Variants in STK32C observed in about 807,000 individuals in gnomAD.
The protein encoded by STK32C is serine/threonine kinase 32C.
STK32C carries 31 observed loss-of-function variants against 56.5 expected under a neutral mutation model. That is an observed-to-expected ratio of 0.55 (90% CI 0.41 to 0.74). The LOEUF (loss-of-function observed/expected upper bound fraction) is 0.74. STK32C is among the 30% of genes least tolerant of loss of function. The pLI is 0.00. For synonymous variants in STK32C, 309 were observed against 289.4 expected (o/e 1.07, Z -0.69); for missense variants, 544 against 676.9 (o/e 0.80, Z 2.18).
intron 1 of STK32C, among the ~76,000 whole-genome samples, chr10:132,256,582 G>A (rs1052153644): frequency 2.0e-5 from 3 of 152,148 alleles, no homozygotes; most frequent in Admixed American, 6.5e-5. Flanking sequence ...AGTCGCCCAC[G>A]GCAGCAGGGA....
At chr10:132,294,689 C>G (rs2065681551) in intron 1 of STK32C, among the ~76,000 whole-genome samples, 1 of 152,298 alleles carries the variant, frequency 6.6e-6, no homozygotes, top group Admixed American at 6.5e-5. Context: ...GCACCATCTA[C>G]AGCCAACAGC....
chr10:132,221,268 ACAC>A (rs1238318015), intron 10 of STK32C, among the ~76,000 whole-genome samples: 1 of 151,496 alleles, frequency 6.6e-6, no homozygotes, highest in Non-Finnish European at 1.5e-5. Flanking sequence ...ATCCCCACAC[ACAC>A]AACTGATGCT....
intron 7 of STK32C, 134 bp from the exon 8 acceptor site, chr10:132,224,657 G>A (rs930864520): frequency 1.5e-6 from 1 of 687,782 alleles, no homozygotes; most frequent in South Asian, 1.7e-5. Flanking sequence ...TCTGAGCACA[G>A]CCTGGCCTCC....
At chr10:132,285,349 A>C (rs1266229506) in intron 1 of STK32C, among the ~76,000 whole-genome samples, 1 of 152,288 alleles carries the variant, frequency 6.6e-6, no homozygotes, top group African/African-American at 2.4e-5. Context: ...GAAAATTAGC[A>C]ACACTGTAGA....
chr10:132,250,529 G>A (rs1273735304), intron 1 of STK32C, among the ~76,000 whole-genome samples: 1 of 114,256 alleles, frequency 8.8e-6, no homozygotes, highest in Non-Finnish European at 1.8e-5. Context: ...TGTGTGAGGC[G>A]CACGGGACAG....
At chr10:132,238,564 T>C (rs7923365) in intron 2 of STK32C, among the ~76,000 whole-genome samples, 30,236 of 152,022 alleles carry the variant, frequency 0.2, 3,123 homozygotes, top group South Asian at 0.32. Flanking sequence ...TGGGGTCAGG[T>C]CCTGAGGTGA....
rs530559095 is a variant in STK32C at position 132,327,724 on chromosome 10, G to A, written c.302-3351C>T. Reference sequence around the variant, plus strand: ...ACTCCTGACCTCAGGTGATCCGCCCGCCTCAGCCTCCCAAAGCGCTGGGAT... The same window carrying A: ...ACTCCTGACCTCAGGTGATCCGCCCACCTCAGCCTCCCAAAGCGCTGGGAT... On this transcript the variant is annotated intron_variant, in intron 1 of 1. Coordinates refer to the STK32C transcript ENST00000368619. Among the ~76,000 whole-genome samples the A allele has an allele frequency of 5.1e-4, 78 of 152,208 alleles. 1 individual carries two copies. The highest frequency in any genetic ancestry group is 2.4e-3 in the Admixed American group (37 of 15,276).
Position 132,208,101 on chromosome 10 carries a change from G to C in STK32C, c.1370C>G (p.Ser457Cys). ...CTCCACAGGCTCCGCAGCATCCCTG[G>C]ACTCAGGGGCGGGGAGAGGCTCCCT... Reference protein sequence around the residue: ...LPREPLPAPESRDAAEPVEDE... With the variant: ...LPREPLPAPECRDAAEPVEDE... The change falls in exon 12 of 12, where the codon TCC (serine) becomes TGC (cysteine). Residue 457 changes from serine to cysteine, a missense_variant. Transcript: ENST00000298630. The C allele has an allele frequency of 7.6e-7, 1 of 1,311,394 alleles. No homozygotes were observed. The highest frequency in any genetic ancestry group is 9.8e-7 in the Non-Finnish European group (1 of 1,021,578). The allele number at this position is 1,311,394 out of a possible 1,614,324, so 81.2% of individuals were successfully genotyped here.
chr10:132,331,955 G>A (rs2138539936), upstream of STK32C: 1 of 514,964 alleles, frequency 1.9e-6, no homozygotes, highest in East Asian at 3.7e-5. Flanking sequence ...CCCAGCGCAG[G>A]CGCACCACAC....
intron 11 of STK32C, among the ~76,000 whole-genome samples, chr10:132,208,471 C>T (rs1183380819): frequency 6.6e-6 from 1 of 152,174 alleles, no homozygotes; most frequent in Non-Finnish European, 1.5e-5. Context: ...TCATCTGATC[C>T]CCAGGGTGCC....
At chr10:132,299,482 G>A (rs544584174) in intron 1 of STK32C, among the ~76,000 whole-genome samples, 155 of 152,366 alleles carry the variant, frequency 1.0e-3, no homozygotes, top group Middle Eastern at 6.8e-3. Context: ...AGCATGGACA[G>A]CTGATCCACC....
At chr10:132,311,491 G>A (rs984386838), upstream of STK32C, among the ~76,000 whole-genome samples, 11 of 152,232 alleles carry the variant, frequency 7.2e-5, no homozygotes, top group African/African-American at 9.6e-5. The surrounding 1 kb of genome is among the most constrained non-coding windows in gnomAD (Gnocchi z 4.4). Flanking sequence ...TGGAGCCCAC[G>A]TGTGGGGACA....
At chr10:132,253,498 CGAGGGAGCT>C (rs149955231) in intron 1 of STK32C, among the ~76,000 whole-genome samples, 4,090 of 80,912 alleles carry the variant, frequency 0.051, 413 homozygotes, top group African/African-American at 0.18. Flanking sequence ...TGGAGGGAGT[CGAGGGAGCT>C]GAGGGAGCTG....
At chr10:132,285,363 A>G (rs1237470265) in intron 1 of STK32C, among the ~76,000 whole-genome samples, 7 of 152,276 alleles carry the variant, frequency 4.6e-5, no homozygotes, top group African/African-American at 1.7e-4. Flanking sequence ...CTGTAGACTC[A>G]AGGAAAACCA....
exon 2 of STK32C, chr10:132,324,207 T>A (rs1322776987): frequency 5.1e-6 from 4 of 779,256 alleles, no homozygotes; most frequent in Non-Finnish European, 9.6e-6. Context: ...CCACTTTGGC[T>A]CATCTGAGAA....
chr10:132,225,294 T>C lies in STK32C; in HGVS notation c.815A>G (p.Tyr272Cys), dbSNP rs144326764. 6.2e-7 allele frequency: 1 copy of C among 1,605,520 alleles called. No individual in the cohort carries two copies. Among genetic ancestry groups the C allele is most frequent in the Non-Finnish European group, 8.5e-7 (1 of 1,176,262 alleles). Residue 272 changes from tyrosine to cysteine, a missense_variant, in exon 7 of 12, where the codon TAC (tyrosine) becomes TGC (cysteine). Transcript: ENST00000298630. ...FHSFVNGGTG[Y>C]SFEVDWWSVG... ...CGACCACCAGTCCACCTCGAAGGAG[T>C]AGCCGGTCCCGCCGTTGACAAAAGA...
downstream of STK32C, among the ~76,000 whole-genome samples, chr10:132,323,522 G>A (rs192716166): frequency 1.3e-5 from 2 of 152,300 alleles, no homozygotes; most frequent in African/African-American, 4.8e-5. This position sits in a 1 kb window ranked among gnomAD's most constrained non-coding sequence, Gnocchi z 4.8. Context: ...ATCTAATTGT[G>A]GCAGACAGAA....
intron 1 of STK32C, among the ~76,000 whole-genome samples, chr10:132,258,967 A>G (rs1419303484): frequency 2.0e-5 from 3 of 152,230 alleles, no homozygotes; most frequent in African/African-American, 7.2e-5. Context: ...TGGTAGGAAA[A>G]TATCATCTCC....
At chr10:132,297,984 A>G (rs11146319) in intron 1 of STK32C, among the ~76,000 whole-genome samples, 67,812 of 152,048 alleles carry the variant, frequency 0.45, 17,309 homozygotes, top group African/African-American at 0.69. Context: ...CTGCGGCAGC[A>G]ACCCGGGTAC....
Sources: gnomAD v4.1 joint callset for allele counts (sites outside exome capture counted in the v4.1 genomes callset) on GRCh38, gnomAD v4.1.1 for gene constraint, Gnocchi (gnomAD v3.1) non-coding constraint, MANE v1.5 for transcripts, NCBI Gene and HGNC (gene_info 2026-07-23, HGNC 2026-07-21) for gene names.